The following HES1 variants were observed in gnomAD, a reference collection of about 807,000 sequenced individuals.
HES1 encodes transcription factor HES-1.
Under a neutral mutation model 21.0 loss-of-function variants are expected in HES1, and 7 were observed. The observed-to-expected ratio is 0.33, with a 90% CI of 0.19 to 0.63. The LOEUF (loss-of-function observed/expected upper bound fraction) is 0.63, where lower values mean the gene tolerates loss of function less well. HES1 is among the 20% of genes least tolerant of loss of function. The probability of loss-of-function intolerance (pLI) is 0.78; values close to 1 mark genes in which losing one functional copy is unlikely to be tolerated. For synonymous variants in HES1, 169 were observed against 171.2 expected (o/e 0.99, Z 0.10); for missense variants, 338 against 389.8 (o/e 0.87, Z 1.12).
Position 194,137,783 on chromosome 3 carries a change from T to A in HES1, c.393T>A (p.Val131=). The A allele has an allele frequency of 1.2e-6, 2 of 1,613,744 alleles. No individual in the cohort carries two copies. Among genetic ancestry groups the A allele is most frequent in the Non-Finnish European group, 1.7e-6 (2 of 1,179,908 alleles). Residue 131 remains valine, a synonymous_variant, in exon 4 of 4, where the codon GTT becomes GTA. Coordinates refer to ENST00000232424, the MANE Select transcript of HES1 (RefSeq NM_005524.4). The surrounding 1 kb of genome is among the most constrained non-coding windows in gnomAD (Gnocchi z 5.4). The stretch of plus-strand genomic sequence containing the variant: ...GCTTCCTGTCCACGTGCGAGGGCGT[T>A]AATACCGAGGTGCGCACTCGGCTGC... ...VTRFLSTCEG[V]NTEVRTRLLG... is the part of the protein sequence containing the mutation.
chr3:194,137,661 T>G lies in HES1; in HGVS notation c.293-22T>G. The G allele has an allele frequency of 6.4e-7, 1 of 1,555,808 alleles. No individual in the cohort carries two copies. The highest frequency in any genetic ancestry group is 8.7e-7 in the Non-Finnish European group (1 of 1,145,894). On this transcript the variant is annotated intron_variant, in intron 3 of 3. Coordinates refer to ENST00000232424, the MANE Select transcript of HES1 (RefSeq NM_005524.4). This position sits in a 1 kb window ranked among gnomAD's most constrained non-coding sequence, Gnocchi z 5.4. Reference sequence around the variant, plus strand: ...GGGGCCAGGGCCGTTCGGTGACCCGTCTGTCTCTTTCTGGCCCGCAGCTGC... The same window carrying G: ...GGGGCCAGGGCCGTTCGGTGACCCGGCTGTCTCTTTCTGGCCCGCAGCTGC...
rs1026634024 is a variant in HES1, at chr3:194,136,256, C to A, written c.-125C>A. On this transcript the variant is annotated 5_prime_UTR_variant, in exon 1 of 4. Transcript: ENST00000232424. ...CCAAGTAGCCACAAAATATAATAAA[C>A]CCTCAGCACTTGCTCAGTAGTTTTG... is the stretch of plus-strand genomic sequence containing the variant. 2.7e-5 allele frequency: 17 copies of A among 640,858 alleles called. No individual in the cohort carries two copies. Among genetic ancestry groups the A allele is most frequent in the Admixed American group, 5.9e-5 (2 of 33,942 alleles). The allele number at this position is 640,858 out of a possible 1,614,324, so 39.7% of individuals were successfully genotyped here. A position where few individuals can be genotyped will look rare whatever the true frequency, so the allele number is the denominator to read the frequency against.
rs1329461926 is a variant in HES1, at chr3:194,137,289, G to GA, written c.292+242dup. 1 of 596,856 alleles carries GA rather than the reference G, an allele frequency of 1.7e-6. No homozygotes were observed. The allele number at this position is 596,856 out of a possible 1,614,324, so 37.0% of individuals were successfully genotyped here. On this transcript the variant is annotated intron_variant, in intron 3 of 3. Coordinates refer to ENST00000232424, the MANE Select transcript of HES1 (RefSeq NM_005524.4). The surrounding 1 kb of genome is among the most constrained non-coding windows in gnomAD (Gnocchi z 5.4). ...GGCGGGCGCCGGGTAGGGGCGAAAG[G>GA]ACTTAGGACTGTGGCGGTTTGGAAC...
rs766153243 is a variant in HES1 at position 194,137,888 on chromosome 3, G to GCCACCGCCC, written c.505_513dup (p.Pro169_Pro171dup). 3.2e-5 allele frequency: 48 copies of GCCACCGCCC among 1,487,530 alleles called. 1 individual carries two copies. The South Asian group carries it at 6.0e-4, about 19-fold the overall frequency. 92.1% of individuals were successfully genotyped at this position (1,487,530 alleles called of 1,614,324 possible). A position where few individuals can be genotyped will look rare whatever the true frequency, so the allele number is the denominator to read the frequency against. ...AGCCGCACCCCGCCTTGCAGGCGCCGCCACCGCCCCCACCGGGACCCGGCG... is the reference window on the plus strand; with the variant it reads ...AGCCGCACCCCGCCTTGCAGGCGCCGCCACCGCCCCCACCGCCCCCACCGGGACCCGGCG... On this transcript the variant is annotated inframe_insertion, in exon 4 of 4. Transcript: ENST00000232424. The surrounding 1 kb of genome is among the most constrained non-coding windows in gnomAD (Gnocchi z 5.4).
rs1576926633 is a variant in HES1, at chr3:194,137,981, T to C, written c.591T>C (p.Pro197=). 7.6e-5 allele frequency: 102 copies of C among 1,348,812 alleles called. No individual in the cohort carries two copies. Among genetic ancestry groups the C allele is most frequent in the East Asian group, 2.7e-4 (8 of 29,416 alleles). 83.6% of individuals were successfully genotyped at this position (1,348,812 alleles called of 1,614,324 possible). A position where few individuals can be genotyped will look rare whatever the true frequency, so the allele number is the denominator to read the frequency against. Residue 197 remains proline, a synonymous_variant, in exon 4 of 4, where the codon CCT becomes CCC. Transcript: ENST00000232424. The surrounding 1 kb of genome is among the most constrained non-coding windows in gnomAD (Gnocchi z 5.4). ...CCATCCCCGGGGGCGCGGCGCCCCC[T>C]CCCGGCGGCGCCCCCTGCAAGCTGG... ...LVPIPGGAAP[P]PGGAPCKLGS...
Position 194,136,403 on chromosome 3 carries a change from A to G in HES1, c.23A>G (p.Lys8Arg). The G allele has an allele frequency of 6.2e-7, 1 of 1,604,384 alleles. No homozygotes were observed. Among genetic ancestry groups the G allele is most frequent in the South Asian group, 1.1e-5 (1 of 89,084 alleles). ...AAAATGCCAGCTGATATAATGGAGA[A>G]AAATTCCTCGTCCCCGGTGGCTGCT... MPADIME[K>R]NSSSPVAATP... Residue 8 changes from lysine to arginine, a missense_variant, in exon 1 of 4, where the codon AAA becomes AGA. Physicochemically the swap from Lys to Arg is conservative, Grantham distance 26. Coordinates refer to ENST00000232424, the MANE Select transcript of HES1 (RefSeq NM_005524.4).
chr3:194,136,372 A>C lies in HES1; in HGVS notation c.-9A>C. ...ATTCTCTAGAGATAAAAAAAAAAAAAAAAGGAAAATGCCAGCTGATATAAT... is the reference window on the plus strand; with the variant it reads ...ATTCTCTAGAGATAAAAAAAAAAAACAAAGGAAAATGCCAGCTGATATAAT... On this transcript the variant is annotated 5_prime_UTR_variant, in exon 1 of 4. Transcript: ENST00000232424. The C allele has an allele frequency of 6.5e-7, 1 of 1,533,226 alleles. No individual in the cohort carries two copies. Among genetic ancestry groups the C allele is most frequent in the Non-Finnish European group, 8.8e-7 (1 of 1,141,196 alleles). The allele number at this position is 1,533,226 out of a possible 1,614,324, so 95.0% of individuals were successfully genotyped here. A position where few individuals can be genotyped will look rare whatever the true frequency, so the allele number is the denominator to read the frequency against.
chr3:194,137,456 G>A lies in HES1; in HGVS notation c.293-227G>A, dbSNP rs374513189. Among the ~76,000 whole-genome samples, 2 of 152,208 alleles carry A rather than the reference G, an allele frequency of 1.3e-5. No homozygotes were observed. Among genetic ancestry groups the A allele is most frequent in the African/African-American group, 2.4e-5 (1 of 41,448 alleles). On this transcript the variant is annotated intron_variant, in intron 3 of 3. Transcript: ENST00000232424. This position sits in a 1 kb window ranked among gnomAD's most constrained non-coding sequence, Gnocchi z 5.4. ...GGTGACAGATCTGGGGCTGAGATAG[G>A]TTTAAATGCAGCTACAGGGAATCGG...
rs774891976 is a variant in HES1, at chr3:194,136,409, C to T, written c.29C>T (p.Ser10Phe). 6.3e-7 allele frequency: 1 copy of T among 1,599,378 alleles called. No homozygotes were observed. Among genetic ancestry groups the T allele is most frequent in the South Asian group, 1.1e-5 (1 of 89,170 alleles). The change falls in exon 1 of 4, where the codon TCC (serine) becomes TTC (phenylalanine). Residue 10 changes from serine to phenylalanine, a missense_variant. Physicochemically the swap from Ser to Phe is radical, Grantham distance 155. Coordinates refer to ENST00000232424, the MANE Select transcript of HES1 (RefSeq NM_005524.4). Reference protein sequence around the residue: MPADIMEKNSSSPVAATPAS... With the variant: MPADIMEKNFSSPVAATPAS... The stretch of plus-strand genomic sequence containing the variant: ...CCAGCTGATATAATGGAGAAAAATT[C>T]CTCGTCCCCGGTGGCTGCTACCCCA...
Position 194,137,679 on chromosome 3 carries a change from G to A in HES1, c.293-4G>A. On this transcript the variant is annotated splice_polypyrimidine_tract_variant and splice_region_variant and intron_variant, in intron 3 of 3. Transcript: ENST00000232424. The surrounding 1 kb of genome is among the most constrained non-coding windows in gnomAD (Gnocchi z 5.4). ...TGACCCGTCTGTCTCTTTCTGGCCC[G>A]CAGCTGCGCTGAGCACAGACCCAAG... The A allele has an allele frequency of 1.3e-6, 2 of 1,570,256 alleles. No individual in the cohort carries two copies. The highest frequency in any genetic ancestry group is 1.7e-6 in the Non-Finnish European group (2 of 1,154,398).
intron 2 of HES1, 22 bp from the exon 3 acceptor site, chr3:194,136,939 C>A (rs758451875): frequency 1.9e-6 from 3 of 1,611,918 alleles, no homozygotes; most frequent in Non-Finnish European, 2.5e-6. Flanking sequence ...GCTCACTTTC[C>A]TTTCTTGCCT....
rs1715382004 is a variant in HES1 at position 194,137,762 on chromosome 3, C to A, written c.372C>A (p.Phe124Leu). 6.2e-7 allele frequency: 1 copy of A among 1,613,720 alleles called. No homozygotes were observed. ...AGTGCATGAACGAGGTGACCCGCTT[C>A]CTGTCCACGTGCGAGGGCGTTAATA... ...FSECMNEVTRFLSTCEGVNTE... is the reference protein window; with the variant it reads ...FSECMNEVTRLLSTCEGVNTE... The change falls in exon 4 of 4, where the codon TTC becomes TTA. Residue 124 changes from phenylalanine to leucine, a missense_variant. Phe to Leu is a conservative substitution (Grantham distance 22). Transcript: ENST00000232424. This position sits in a 1 kb window ranked among gnomAD's most constrained non-coding sequence, Gnocchi z 5.4.
In HES1 at chr3:194,138,203, G is replaced by T. The variant is rs776903500; in HGVS notation, c.813G>T (p.Ala271=). ...CTTCCAGCGGCCCCTCGCTTACGGCGGACTCCATGTGGAGGCCGTGGCGGA... is the reference window on the plus strand; with the variant it reads ...CTTCCAGCGGCCCCTCGCTTACGGCTGACTCCATGTGGAGGCCGTGGCGGA... The part of the protein sequence containing the change: ...VSPSSGPSLT[A]DSMWRPWRN Residue 271 remains alanine, a synonymous_variant, in exon 4 of 4, where the codon GCG becomes GCT. Coordinates refer to ENST00000232424, the MANE Select transcript of HES1 (RefSeq NM_005524.4). 29 of 1,592,780 alleles carry T rather than the reference G, an allele frequency of 1.8e-5. No homozygotes were observed. The Admixed American group carries it at 4.7e-4, about 26-fold the overall frequency.
rs543079208 is a variant in HES1 at position 194,137,247 on chromosome 3, G to A, written c.292+199G>A. 1.8e-5 allele frequency: 11 copies of A among 626,396 alleles called. No individual in the cohort carries two copies. In the African/African-American group the frequency reaches 1.8e-4, roughly 10 times the overall value. The allele number at this position is 626,396 out of a possible 1,614,324, so 38.8% of individuals were successfully genotyped here. On this transcript the variant is annotated intron_variant, in intron 3 of 3. Transcript: ENST00000232424. The surrounding 1 kb of genome is among the most constrained non-coding windows in gnomAD (Gnocchi z 5.4). ...CTGTTCCGGAAAGGGAGGGAAAGAG[G>A]TTGCAGCCGCGAGGGTGGCGGGCGC... is the stretch of plus-strand genomic sequence containing the variant.
Position 194,138,142 on chromosome 3 carries a change from A to G in HES1, c.752A>G (p.Asn251Ser). Residue 251 changes from asparagine to serine, a missense_variant, in exon 4 of 4, where the codon AAC (asparagine) becomes AGC (serine). Physicochemically the swap from Asn to Ser is conservative, Grantham distance 46 (BLOSUM62 1). Coordinates refer to ENST00000232424, the MANE Select transcript of HES1 (RefSeq NM_005524.4). ...SGPVIPVYTS[N>S]SGTSVGPNAV... ...CCTGTCATCCCCGTCTACACCAGCA[A>G]CAGCGGCACCTCCGTGGGCCCCAAC... is the stretch of plus-strand genomic sequence containing the variant. 6.2e-7 allele frequency: 1 copy of G among 1,612,766 alleles called. No individual in the cohort carries two copies. Among genetic ancestry groups the G allele is most frequent in the East Asian group, 2.2e-5 (1 of 44,834 alleles).
Position 194,138,371 on chromosome 3 carries a change from G to T in HES1, c.*138G>T. The T allele has an allele frequency of 2.2e-6, 2 of 904,056 alleles. No homozygotes were observed. The highest frequency in any genetic ancestry group is 3.1e-6 in the Non-Finnish European group (2 of 642,986). The allele number at this position is 904,056 out of a possible 1,614,324, so 56.0% of individuals were successfully genotyped here. ...TACTTTGTGTTTTTTTAATTTCTAA[G>T]AAGTTACTTTTTGTAGAGAGAGCTG... On this transcript the variant is annotated 3_prime_UTR_variant, in exon 4 of 4. Coordinates refer to ENST00000232424, the MANE Select transcript of HES1 (RefSeq NM_005524.4).
chr3:194,138,431 T>C lies in HES1; in HGVS notation c.*198T>C, dbSNP rs1715402158. 3 of 432,796 alleles carry C rather than the reference T, an allele frequency of 6.9e-6. No homozygotes were observed. In the South Asian group the frequency reaches 2.8e-4, roughly 41 times the overall value. 26.8% of individuals were successfully genotyped at this position (432,796 alleles called of 1,614,324 possible). On this transcript the variant is annotated 3_prime_UTR_variant, in exon 4 of 4. Coordinates refer to ENST00000232424, the MANE Select transcript of HES1 (RefSeq NM_005524.4). ...ACTGACCATGCACTATATTTGTATA[T>C]ATTTTATATGTTCATATTGGATTGC...
intron 2 of HES1, 86 bp downstream of exon 2, chr3:194,136,798 GTCT>G: frequency 7.0e-7 from 1 of 1,427,606 alleles, no homozygotes; most frequent in Non-Finnish European, 9.9e-7. Flanking sequence ...GCCCTGCGGG[GTCT>G]GGCACTCGCT....
chr3:194,136,697 T>A lies in HES1; in HGVS notation c.189T>A (p.Asp63Glu). ...SLSQLKTLIL[D>E]ALKKDSSRHS... The stretch of plus-strand genomic sequence containing the variant: ...GCCAGCTGAAAACACTGATTTTGGA[T>A]GCTCTGAAGAAAGATGTAAGTGGGG... The change falls in exon 2 of 4, where the codon GAT (aspartate) becomes GAA (glutamate). Residue 63 changes from aspartate to glutamate, a missense_variant. Asp to Glu is a conservative substitution (Grantham distance 45). Transcript: ENST00000232424. 6.2e-7 allele frequency: 1 copy of A among 1,613,332 alleles called. No homozygotes were observed. The highest frequency in any genetic ancestry group is 8.5e-7 in the Non-Finnish European group (1 of 1,179,210).
Sources: gnomAD v4.1 joint callset for allele counts (sites outside exome capture counted in the v4.1 genomes callset) on GRCh38, gnomAD v4.1.1 for gene constraint, Gnocchi (gnomAD v3.1) non-coding constraint, MANE v1.5 for transcripts, NCBI Gene and HGNC (gene_info 2026-07-23, HGNC 2026-07-21) for gene names.